The following BICD1 variants were observed in gnomAD, a reference collection of about 807,000 sequenced individuals.
BICD1 encodes the protein BICD cargo adaptor 1, also known as protein bicaudal D homolog 1.
In BICD1, 35 loss-of-function variants were observed where a neutral mutation model predicts 92.5. The observed-to-expected ratio is 0.38, with a 90% CI of 0.29 to 0.50. The LOEUF is 0.50. BICD1 is among the 20% of genes least tolerant of loss of function. The pLI is 0.93. For missense variants in BICD1, 950 were observed against 1,189.8 expected (o/e 0.80, Z 2.97); for synonymous variants, 429 against 465.1 (o/e 0.92, Z 1.00).
At chr12:32,207,073 G>A (rs161964) in intron 1 of BICD1, among the ~76,000 whole-genome samples, 151,637 of 152,342 alleles carry the variant, frequency 1, 75,473 homozygotes, top group Middle Eastern at 1. Context: ...GGGAGTGGCC[G>A]AAGGTACAAT....
At chr12:32,190,030 AGTT>A (rs1424904762) in intron 1 of BICD1, among the ~76,000 whole-genome samples, 1 of 152,142 alleles carries the variant, frequency 6.6e-6, no homozygotes, top group Non-Finnish European at 1.5e-5. Context: ...ATTGAAGTTG[AGTT>A]GTTACCAGTT....
Position 32,337,390 on chromosome 12 carries a change from C to A in BICD1, c.2253-109C>A. 1 of 955,632 alleles carries A rather than the reference C, an allele frequency of 1.0e-6. No individual in the cohort carries two copies. The highest frequency in any genetic ancestry group is 1.6e-6 in the Non-Finnish European group (1 of 637,106). The allele number at this position is 955,632 out of a possible 1,614,324, so 59.2% of individuals were successfully genotyped here. A position where few individuals can be genotyped will look rare whatever the true frequency, so the allele number is the denominator to read the frequency against. On this transcript the variant is annotated intron_variant, in intron 6 of 9. Coordinates refer to ENST00000652176, the MANE Select transcript of BICD1 (RefSeq NM_001714.4). This position sits in a 1 kb window ranked among gnomAD's most constrained non-coding sequence, Gnocchi z 4.7. ...ACATTCTATTGCTAGACCTTTAAAC[C>A]AGTCTTCTAAATTTCTAAATTTCGG... is the stretch of plus-strand genomic sequence containing the variant.
At chr12:32,156,599 A>G (rs1257687685) in intron 1 of BICD1, among the ~76,000 whole-genome samples, 2 of 152,202 alleles carry the variant, frequency 1.3e-5, no homozygotes, top group Non-Finnish European at 2.9e-5. Context: ...TTCCCCTAAA[A>G]TTCTGACATT....
intron 1 of BICD1, among the ~76,000 whole-genome samples, chr12:32,129,254 G>A (rs200925075): frequency 6.6e-6 from 1 of 151,304 alleles, no homozygotes; most frequent in Non-Finnish European, 1.5e-5. Context: ...GCCGGGCATG[G>A]TGGCTTATGC....
intron 1 of BICD1, among the ~76,000 whole-genome samples, chr12:32,146,438 G>A (rs61926903): frequency 6.6e-6 from 1 of 152,160 alleles, no homozygotes; most frequent in South Asian, 2.1e-4. Flanking sequence ...GGTGCTGGTA[G>A]GCAGGTGGAA....
At chr12:32,190,526 A>G (rs1944536965) in intron 1 of BICD1, among the ~76,000 whole-genome samples, 1 of 152,246 alleles carries the variant, frequency 6.6e-6, no homozygotes, top group South Asian at 2.1e-4. Flanking sequence ...AATAATAAAG[A>G]GGTCAGTTCA....
At chr12:32,301,185 T>G (rs1345704734) in intron 3 of BICD1, among the ~76,000 whole-genome samples, 1 of 152,188 alleles carries the variant, frequency 6.6e-6, no homozygotes, top group Non-Finnish European at 1.5e-5. Flanking sequence ...TCCTCCACAC[T>G]TCATCCTCAG....
chr12:32,256,983 G>T (rs1239400), intron 2 of BICD1, among the ~76,000 whole-genome samples: 1 of 151,968 alleles, frequency 6.6e-6, no homozygotes, highest in Admixed American at 6.6e-5. Flanking sequence ...GAGAGGCCAA[G>T]GCGGGCGGAT....
At chr12:32,132,525 A>C (rs554112382) in intron 1 of BICD1, among the ~76,000 whole-genome samples, 1 of 152,176 alleles carries the variant, frequency 6.6e-6, no homozygotes, top group African/African-American at 2.4e-5. Flanking sequence ...TGTGCTGTGC[A>C]CTGTGGGACT....
At chr12:32,266,942 T>C (rs957764207) in intron 2 of BICD1, among the ~76,000 whole-genome samples, 1 of 152,114 alleles carries the variant, frequency 6.6e-6, no homozygotes, top group African/African-American at 2.4e-5. Context: ...TTCCTCCTTG[T>C]GGGAATTAGA....
chr12:32,228,104 G>T, intron 2 of BICD1: 1 of 213,920 alleles, frequency 4.7e-6, no homozygotes, highest in East Asian at 1.1e-4. Context: ...GGATGTTCTT[G>T]GTGTTCTTGA....
chr12:32,275,123 A>C (rs1191812306), intron 2 of BICD1, among the ~76,000 whole-genome samples: 1 of 152,186 alleles, frequency 6.6e-6, no homozygotes, highest in African/African-American at 2.4e-5. Context: ...CTCATATTTC[A>C]GTCCCCTGAG....
chr12:32,377,288 A>T (rs1940010069), intron 9 of BICD1, among the ~76,000 whole-genome samples: 2 of 152,198 alleles, frequency 1.3e-5, no homozygotes, highest in Non-Finnish European at 2.9e-5. Context: ...AATAGGGAAA[A>T]CAAGAAAAGA....
At chr12:32,207,283 A>T (rs1417690571) in intron 1 of BICD1, among the ~76,000 whole-genome samples, 2 of 152,342 alleles carry the variant, frequency 1.3e-5, no homozygotes, top group East Asian at 3.9e-4. Context: ...TTAAGCAAAT[A>T]GAGGTACCAA....
chr12:32,363,378 G>A (rs1939406042), intron 8 of BICD1, among the ~76,000 whole-genome samples: 1 of 151,890 alleles, frequency 6.6e-6, no homozygotes, highest in East Asian at 1.9e-4. Flanking sequence ...AGCAAGACCT[G>A]GCCTCTAAAA....
chr12:32,119,345 G>T (rs1055761097), intron 1 of BICD1, among the ~76,000 whole-genome samples: 2 of 152,140 alleles, frequency 1.3e-5, no homozygotes, highest in African/African-American at 4.8e-5. Flanking sequence ...AGAAGAGGTG[G>T]GTAGGAACTA....
intron 9 of BICD1, 48 bp from the exon 10 acceptor site, chr12:32,377,474 CCCCTACCATTGTGCCTGG>C: frequency 8.0e-7 from 1 of 1,244,416 alleles, no homozygotes; most frequent in East Asian, 2.3e-5. Flanking sequence ...TCTCGTCTAA[CCCCTACCATTGTGCCTGG>C]CCCTTTGAAA....
intron 2 of BICD1, among the ~76,000 whole-genome samples, chr12:32,286,718 T>C (rs541950227): frequency 1.3e-5 from 2 of 152,222 alleles, no homozygotes; most frequent in Admixed American, 6.5e-5. Context: ...CTGTCATCCA[T>C]GTAATATATA....
chr12:32,144,355 A>C (rs560141065), intron 1 of BICD1, among the ~76,000 whole-genome samples: 59 of 152,310 alleles, frequency 3.9e-4, no homozygotes, highest in Admixed American at 1.6e-3. Flanking sequence ...AGCATATCAC[A>C]ATAGGACAGT....
Sources: gnomAD v4.1 joint callset for allele counts (sites outside exome capture counted in the v4.1 genomes callset) on GRCh38, gnomAD v4.1.1 for gene constraint, Gnocchi (gnomAD v3.1) non-coding constraint, MANE v1.5 for transcripts, NCBI Gene and HGNC (gene_info 2026-07-23, HGNC 2026-07-21) for gene names.